The following LIPA variants were observed in gnomAD, a reference collection of about 807,000 sequenced individuals.
The protein encoded by LIPA is lysosomal acid lipase/cholesteryl ester hydrolase.
A neutral mutation model predicts 40.6 loss-of-function variants in LIPA; 26 were observed. The observed-to-expected ratio is 0.64, with a 90% CI of 0.47 to 0.89. LIPA has a LOEUF of 0.89. Ranked by LOEUF, LIPA falls within the 40% of genes least tolerant of loss-of-function variation. The pLI, the probability that LIPA is intolerant of heterozygous loss-of-function variation, is 0.00. For synonymous variants in LIPA, 188 were observed against 168.4 expected, an observed-to-expected ratio of 1.12 and a Z score of -0.90; for missense variants, 455 against 479.6, an observed-to-expected ratio of 0.95 and a Z score of 0.48.
In LIPA at chr10:89,338,329, G is replaced by A. The variant is rs1030492405; in HGVS notation, c.-2+4282C>T. 1.5e-4 allele frequency: 31 copies of A among 213,006 alleles called. 1 individual carries two copies. The highest frequency in any genetic ancestry group is 7.1e-4 in the African/African-American group (31 of 43,892). The allele number at this position is 213,006 out of a possible 1,614,324, so 13.2% of individuals were successfully genotyped here. ...GCCAATGGTGAAAGTTCTAGTCCAAGTCTAGTCTAAGGGCAGAAAAAGACC... is the reference window on the plus strand; with the variant it reads ...GCCAATGGTGAAAGTTCTAGTCCAAATCTAGTCTAAGGGCAGAAAAAGACC... On this transcript the variant is annotated intron_variant, in intron 1 of 5. Transcript: ENST00000282673.
In LIPA at chr10:89,291,699, T is replaced by C. The variant is rs532526268; in HGVS notation, c.-1-44050A>G. ...GGCTCCCCTGGGAAAGGTCCCATTA[T>C]GTTCTATGTTTGGGAAGAAGTGTAT... On this transcript the variant is annotated intron_variant, in intron 1 of 5. Transcript: ENST00000282673. Among the ~76,000 whole-genome samples the C allele has an allele frequency of 2.6e-5, 4 of 152,360 alleles. No individual in the cohort carries two copies. In the South Asian group the frequency reaches 6.2e-4, roughly 24 times the overall value.
intron 1 of LIPA, chr10:89,339,356 T>G: frequency 3.7e-6 from 6 of 1,613,788 alleles, no homozygotes; most frequent in Non-Finnish European, 5.1e-6. Context: ...GAAGAAGCCT[T>G]GGAAAAGTCT....
At position 89,340,075 on chromosome 10, in the gene LIPA, G is replaced by A. The variant is rs750097286; in HGVS notation, c.-2+2536C>T. 3.3e-5 allele frequency: 54 copies of A among 1,612,996 alleles called. 1 individual carries two copies. Among genetic ancestry groups the A allele is most frequent in the South Asian group, 1.5e-4 (14 of 90,948 alleles). ...TGGTAGTGAGGAAATGGGCCAGGGCGCAGTCAGCTCCAGTCCCAGAGAGCT... is the reference window on the plus strand; with the variant it reads ...TGGTAGTGAGGAAATGGGCCAGGGCACAGTCAGCTCCAGTCCCAGAGAGCT... On this transcript the variant is annotated intron_variant, in intron 1 of 5. Transcript: ENST00000282673.
chr10:89,343,565 C>G (rs913424349), upstream of LIPA, among the ~76,000 whole-genome samples: 16 of 152,160 alleles, frequency 1.1e-4, no homozygotes, highest in Non-Finnish European at 4.4e-5. Flanking sequence ...TCAAAGAGAT[C>G]TTTCTTCGGA....
intron 1 of LIPA, among the ~76,000 whole-genome samples, chr10:89,336,366 G>A (rs1038561997): frequency 6.6e-6 from 1 of 152,160 alleles, no homozygotes; most frequent in Non-Finnish European, 1.5e-5. Context: ...GAGGCTAGCC[G>A]GATGTAGATG....
intron 1 of LIPA, chr10:89,339,378 A>G: frequency 1.2e-6 from 2 of 1,614,154 alleles, no homozygotes; most frequent in Non-Finnish European, 1.7e-6. Context: ...CTTGCCAAAC[A>G]GATGTCCTCC....
At chr10:89,282,802 G>C (rs945567933) in intron 1 of LIPA, among the ~76,000 whole-genome samples, 1 of 152,192 alleles carries the variant, frequency 6.6e-6, no homozygotes, top group African/African-American at 2.4e-5. Context: ...GTGCATTTCA[G>C]AGTTGAAATC....
chr10:89,293,679 TGAGA>T (rs72229492), intron 1 of LIPA: 9,782 of 145,090 alleles, frequency 0.067, 346 homozygotes, highest in Admixed American at 0.11. Flanking sequence ...CTGTGTGAGA[TGAGA>T]GAGAGAGAGA....
At chr10:89,407,291 A>C (rs1011835748) in intron 2 of LIPA, among the ~76,000 whole-genome samples, 11 of 152,024 alleles carry the variant, frequency 7.2e-5, no homozygotes, top group Admixed American at 5.9e-4. Context: ...TGCCAGACAA[A>C]CTTCCTCTTG....
At chr10:89,327,165 C>T (rs911778633) in intron 1 of LIPA, among the ~76,000 whole-genome samples, 5 of 152,178 alleles carry the variant, frequency 3.3e-5, no homozygotes, top group African/African-American at 1.2e-4. Flanking sequence ...ATGTCTGGGT[C>T]GTGGAGACCA....
chr10:89,328,400 T>C (rs1021368676), intron 1 of LIPA, among the ~76,000 whole-genome samples: 5 of 152,338 alleles, frequency 3.3e-5, no homozygotes, highest in Admixed American at 1.3e-4. Flanking sequence ...GAGCGGTGTA[T>C]TTCACTCAGC....
At chr10:89,228,442 A>T in intron 3 of LIPA, 44 bp from the exon 4 acceptor site, 2 of 1,470,682 alleles carry the variant, frequency 1.4e-6, no homozygotes, top group Non-Finnish European at 9.5e-7. Context: ...ACCAAGCTTC[A>T]AAACAAATAT....
intron 2 of LIPA, among the ~76,000 whole-genome samples, chr10:89,359,817 A>T (rs188328713): frequency 0.028 from 3,742 of 135,362 alleles, 80 homozygotes; most frequent in African/African-American, 0.073. Flanking sequence ...TCTCTCTCTC[A>T]CACACACACA....
chr10:89,384,156 A>G, intron 2 of LIPA: 1 of 1,614,190 alleles, frequency 6.2e-7, no homozygotes. Flanking sequence ...TGGAGACAAC[A>G]CCCACTTCTG....
intron 6 of LIPA, 106 bp downstream of exon 6, chr10:89,224,986 C>T: frequency 7.2e-7 from 1 of 1,389,670 alleles, no homozygotes; most frequent in Non-Finnish European, 1.0e-6. Flanking sequence ...CCACTGATAT[C>T]AAAACGCAGG....
chr10:89,358,776 G>C (rs1844003344), intron 2 of LIPA, among the ~76,000 whole-genome samples: 1 of 152,154 alleles, frequency 6.6e-6, no homozygotes, highest in Non-Finnish European at 1.5e-5. Flanking sequence ...GGCTGGGAAG[G>C]GTAGAGGGGA....
intron 2 of LIPA, among the ~76,000 whole-genome samples, chr10:89,378,823 C>T (rs1844140911): frequency 6.6e-6 from 1 of 152,174 alleles, no homozygotes; most frequent in Non-Finnish European, 1.5e-5. Flanking sequence ...ATAAAAGCAG[C>T]AATGCTCTTA....
At chr10:89,303,257 G>A (rs1401035861) in intron 1 of LIPA, among the ~76,000 whole-genome samples, 1 of 152,148 alleles carries the variant, frequency 6.6e-6, no homozygotes, top group African/African-American at 2.4e-5. Flanking sequence ...AAATTGCCTG[G>A]ACAGCTTATT....
At chr10:89,228,543 C>T (rs1424133877) in intron 3 of LIPA, 145 bp from the exon 4 acceptor site, 2 of 769,382 alleles carry the variant, frequency 2.6e-6, no homozygotes, top group African/African-American at 1.7e-5. Context: ...GATGTACTCA[C>T]ATATAATGTT....
Sources: gnomAD v4.1 joint callset for allele counts (sites outside exome capture counted in the v4.1 genomes callset) on GRCh38, gnomAD v4.1.1 for gene constraint, MANE v1.5 for transcripts, NCBI Gene and HGNC (gene_info 2026-07-23, HGNC 2026-07-21) for gene names.